The following ZDHHC21 variants were observed in gnomAD, a reference collection of about 807,000 sequenced individuals.
ZDHHC21 encodes the protein zDHHC palmitoyltransferase 21.
ZDHHC21 carries 15 observed loss-of-function variants against 34.6 expected under a neutral mutation model. The ratio of observed to expected loss-of-function variants is 0.43; its 90% CI spans 0.29 to 0.67. The LOEUF is 0.67. Ranked by LOEUF, ZDHHC21 falls within the 30% of genes least tolerant of loss-of-function variation. The pLI is 0.14. For synonymous variants in ZDHHC21, 142 were observed against 101.8 expected (o/e 1.40, Z -2.38); for missense variants, 344 against 327.7 (o/e 1.05, Z -0.38).
At chr9:14,661,111 C>A (rs1385395684) in intron 6 of ZDHHC21, among the ~76,000 whole-genome samples, 8 of 152,124 alleles carry the variant, frequency 5.3e-5, no homozygotes, top group African/African-American at 1.9e-4. Context: ...ATACACTACT[C>A]TATCTTGTTG....
At chr9:14,646,559 T>A (rs1830307624) in intron 7 of ZDHHC21, among the ~76,000 whole-genome samples, 1 of 152,026 alleles carries the variant, frequency 6.6e-6, no homozygotes, top group African/African-American at 2.4e-5. Flanking sequence ...ACCTCTCTGA[T>A]CTCATCTACC....
the ZDHHC21 span, among the ~76,000 whole-genome samples, chr9:14,598,786 T>C: frequency 6.6e-6 from 1 of 152,184 alleles, no homozygotes; most frequent in Non-Finnish European, 1.5e-5. Context: ...GGTCTCACTC[T>C]GTCACCCCAG....
chr9:14,658,289 T>C (rs1832659942), intron 7 of ZDHHC21, among the ~76,000 whole-genome samples: 2 of 152,160 alleles, frequency 1.3e-5, no homozygotes, highest in South Asian at 4.1e-4. Context: ...AATGTCAGAC[T>C]AGGGCCCACT....
At chr9:14,691,608 C>T (rs1260565083) in intron 1 of ZDHHC21, among the ~76,000 whole-genome samples, 1 of 152,108 alleles carries the variant, frequency 6.6e-6, no homozygotes, top group African/African-American at 2.4e-5. Context: ...AAACAAAGTA[C>T]CTCGTAGGCA....
chr9:14,633,545 G>C (rs1168675127), intron 8 of ZDHHC21, among the ~76,000 whole-genome samples: 1 of 152,112 alleles, frequency 6.6e-6, no homozygotes, highest in Non-Finnish European at 1.5e-5. Flanking sequence ...ACCATATTAA[G>C]AGTCCAGCCC....
At chr9:14,599,370 G>C in the ZDHHC21 span, among the ~76,000 whole-genome samples, 1 of 152,160 alleles carries the variant, frequency 6.6e-6, no homozygotes, top group Non-Finnish European at 1.5e-5. Flanking sequence ...TCTTAGCTAA[G>C]GGAAGCTGTG....
chr9:14,601,839 C>T, the ZDHHC21 span, among the ~76,000 whole-genome samples: 101 of 152,246 alleles, frequency 6.6e-4, no homozygotes, highest in African/African-American at 2.3e-3. Flanking sequence ...AGTTCATGTC[C>T]TTTGCAGGGA....
intron 2 of ZDHHC21, among the ~76,000 whole-genome samples, chr9:14,685,507 C>T (rs959762928): frequency 3.3e-5 from 5 of 151,906 alleles, no homozygotes; most frequent in Non-Finnish European, 5.9e-5. Flanking sequence ...CAATGACATA[C>T]CATCTCACAC....
chr9:14,670,050 A>C (rs963190296), intron 5 of ZDHHC21, among the ~76,000 whole-genome samples: 11 of 151,950 alleles, frequency 7.2e-5, no homozygotes, highest in African/African-American at 2.2e-4. Flanking sequence ...AAACAAAAAA[A>C]CTTTGAATTC....
chr9:14,614,298 A>C lies in ZDHHC21; in HGVS notation c.*4668T>G, dbSNP rs971595507. ...GATAATGGAAAGTATCAGTAATATC[A>C]ATGACTTTTTAAAATACCATTGTTA... On this transcript the variant is annotated 3_prime_UTR_variant, in exon 10 of 10. Coordinates refer to ENST00000380916, the MANE Select transcript of ZDHHC21 (RefSeq NM_178566.6). The C allele has an allele frequency of 1.1e-4, 1 of 8,788 alleles. No individual in the cohort carries two copies. The highest frequency in any genetic ancestry group is 2.7e-4 in the Non-Finnish European group (1 of 3,650). 0.5% of individuals were successfully genotyped at this position (8,788 alleles called of 1,614,324 possible). A position where few individuals can be genotyped will look rare whatever the true frequency, so the allele number is the denominator to read the frequency against.
chr9:14,634,000 C>T (rs1827828868), intron 8 of ZDHHC21, among the ~76,000 whole-genome samples: 1 of 152,164 alleles, frequency 6.6e-6, no homozygotes, highest in South Asian at 2.1e-4. Flanking sequence ...GTCTCCCCAA[C>T]CCCAAACACC....
At chr9:14,640,950 A>T (rs1829269966) in intron 7 of ZDHHC21, among the ~76,000 whole-genome samples, 1 of 152,154 alleles carries the variant, frequency 6.6e-6, no homozygotes. Context: ...ATGAAGAACT[A>T]AGACTTCTCC....
At chr9:14,645,875 T>C (rs1351199329) in intron 7 of ZDHHC21, among the ~76,000 whole-genome samples, 1 of 152,160 alleles carries the variant, frequency 6.6e-6, no homozygotes, top group East Asian at 1.9e-4. Flanking sequence ...GTACTGCTCA[T>C]ACATACCAAA....
chr9:14,627,935 A>C (rs1343568), intron 8 of ZDHHC21, among the ~76,000 whole-genome samples: 85,854 of 151,652 alleles, frequency 0.57, 24,630 homozygotes, highest in South Asian at 0.66. Context: ...GCAAAAAAAA[A>C]CCAAAAAACA....
In ZDHHC21 at chr9:14,614,091, C is replaced by T. The variant is rs1185346084; in HGVS notation, c.*4875G>A. 1 of 151,650 alleles carries T rather than the reference C, an allele frequency of 6.6e-6. No individual in the cohort carries two copies. Among genetic ancestry groups the T allele is most frequent in the African/African-American group, 2.4e-5 (1 of 41,356 alleles). The allele number at this position is 151,650 out of a possible 1,614,324, so 9.4% of individuals were successfully genotyped here. On this transcript the variant is annotated 3_prime_UTR_variant, in exon 10 of 10. Coordinates refer to ENST00000380916, the MANE Select transcript of ZDHHC21 (RefSeq NM_178566.6). ...AGAGATAAGGCTAAAATGATTACAG[C>T]AAAGAGATTCTCTGATGTCAGAAAC...
At chr9:14,647,814 T>C (rs1052824113) in intron 7 of ZDHHC21, among the ~76,000 whole-genome samples, 1 of 152,156 alleles carries the variant, frequency 6.6e-6, no homozygotes, top group African/African-American at 2.4e-5. Context: ...TTCAGAACTC[T>C]TTTCTTTTCT....
chr9:14,629,845 G>T (rs567030031), intron 8 of ZDHHC21, among the ~76,000 whole-genome samples: 1 of 152,058 alleles, frequency 6.6e-6, no homozygotes, highest in Non-Finnish European at 1.5e-5. Context: ...TCAAGCGATC[G>T]ATACCATCCT....
chr9:14,651,348 G>C (rs1357971617), intron 7 of ZDHHC21, among the ~76,000 whole-genome samples: 3 of 151,596 alleles, frequency 2.0e-5, no homozygotes, highest in Non-Finnish European at 4.4e-5. Context: ...AAAATTCCTT[G>C]GGGGAAAAAT....
intron 2 of ZDHHC21, among the ~76,000 whole-genome samples, chr9:14,684,160 C>G (rs1458123500): frequency 1.3e-5 from 2 of 151,086 alleles, no homozygotes; most frequent in Non-Finnish European, 3.0e-5. Flanking sequence ...GATGCCCTCT[C>G]TCACCACTCC....
Sources: allele counts gnomAD v4.1 joint callset (sites outside exome capture counted in the v4.1 genomes callset), GRCh38; gene constraint gnomAD v4.1.1; transcripts MANE v1.5; gene names NCBI Gene and HGNC (gene_info 2026-07-23, HGNC 2026-07-21).